The following CSMD1 variants were observed in gnomAD, a reference collection of about 807,000 sequenced individuals.
CSMD1 encodes CUB and Sushi multiple domains 1.
A neutral mutation model predicts 417.5 loss-of-function variants in CSMD1; 213 were observed. The ratio of observed to expected loss-of-function variants is 0.51; its 90% CI spans 0.46 to 0.57. The LOEUF (loss-of-function observed/expected upper bound fraction) is 0.57, where lower values mean the gene tolerates loss of function less well. CSMD1 is among the 20% of genes least tolerant of loss of function. CSMD1 has a pLI of 0.00. For missense variants in CSMD1, 6,923 were observed against 4,529.7 expected (o/e 1.53, Z -15.17); for synonymous variants, 2,862 against 1,736.8 (o/e 1.65, Z -16.11).
At chr8:4,451,871 C>A (rs907966813) in intron 2 of CSMD1, among the ~76,000 whole-genome samples, 1 of 151,594 alleles carries the variant, frequency 6.6e-6, no homozygotes, top group Non-Finnish European at 1.5e-5. Flanking sequence ...CCCTTTCAAA[C>A]CTCATGTGTT....
At chr8:3,607,507 C>T (rs1801676712) in intron 8 of CSMD1, among the ~76,000 whole-genome samples, 1 of 152,154 alleles carries the variant, frequency 6.6e-6, no homozygotes, top group African/African-American at 2.4e-5. Context: ...TGACTGGCAG[C>T]ACAGTACATC....
intron 7 of CSMD1, among the ~76,000 whole-genome samples, chr8:3,642,979 GAATT>G (rs1364675249): frequency 3.3e-5 from 5 of 151,636 alleles, no homozygotes; most frequent in Non-Finnish European, 7.4e-5. Flanking sequence ...TCAGGACACA[GAATT>G]AATAAATTAA....
At chr8:3,672,288 A>C (rs1458183560) in intron 7 of CSMD1, among the ~76,000 whole-genome samples, 2 of 152,160 alleles carry the variant, frequency 1.3e-5, no homozygotes, top group African/African-American at 4.8e-5. Context: ...ACCATAAATT[A>C]AGAAATAGTC....
intron 5 of CSMD1, among the ~76,000 whole-genome samples, chr8:3,770,214 G>C (rs755245547): frequency 1.3e-5 from 2 of 152,134 alleles, no homozygotes; most frequent in Non-Finnish European, 2.9e-5. Flanking sequence ...TCTACACATG[G>C]CTTCTTTCCT....
chr8:3,044,801 G>C (rs914620992), intron 50 of CSMD1, among the ~76,000 whole-genome samples: 18 of 152,146 alleles, frequency 1.2e-4, no homozygotes, highest in Admixed American at 3.3e-4. Context: ...CAAAGCTGAA[G>C]TATTTATCTC....
chr8:3,506,247 G>T (rs923106384), intron 10 of CSMD1, among the ~76,000 whole-genome samples: 1 of 152,182 alleles, frequency 6.6e-6, no homozygotes, highest in Non-Finnish European at 1.5e-5. Context: ...AGGTGAGCCA[G>T]GCTCTATGTC....
intron 12 of CSMD1, among the ~76,000 whole-genome samples, chr8:3,451,365 G>T (rs150075455): frequency 1.3e-5 from 2 of 152,132 alleles, no homozygotes; most frequent in East Asian, 3.9e-4. Context: ...ATTGCTTTTG[G>T]TGTTTTAGAC....
At chr8:3,132,822 G>C (rs1186218558) in intron 41 of CSMD1, among the ~76,000 whole-genome samples, 1 of 152,068 alleles carries the variant, frequency 6.6e-6, no homozygotes, top group African/African-American at 2.4e-5. Flanking sequence ...CTGGAGCTCA[G>C]GAGCTACACA....
At chr8:4,208,860 C>T (rs546262714) in intron 3 of CSMD1, among the ~76,000 whole-genome samples, 2 of 152,108 alleles carry the variant, frequency 1.3e-5, no homozygotes, top group Non-Finnish European at 2.9e-5. Context: ...CAATAAGTAT[C>T]CATTCAAAAT....
rs187023678 is a variant in CSMD1 at position 3,344,697 on chromosome 8, C to T, written c.3475-1247G>A. Among the ~76,000 whole-genome samples, 484 of 152,228 alleles carry T rather than the reference C, an allele frequency of 3.2e-3. 3 individuals are homozygous for T. Among genetic ancestry groups the T allele is most frequent in the Non-Finnish European group, 5.1e-3 (348 of 68,006 alleles). ...CTTCCAATGTGTTTGTCTATTTTCC[C>T]CACTTCTTTCCTCTTTATACAGATT... is the stretch of plus-strand genomic sequence containing the variant. On this transcript the variant is annotated intron_variant, in intron 22 of 69. Transcript: ENST00000635120.
intron 7 of CSMD1, among the ~76,000 whole-genome samples, chr8:3,697,602 C>A (rs80120674): frequency 1.4e-3 from 208 of 152,186 alleles, no homozygotes; most frequent in African/African-American, 5.0e-3. Flanking sequence ...TATAGCAGTT[C>A]CCCCTTCTGA....
At chr8:3,943,026 C>G (rs1810985017) in intron 5 of CSMD1, among the ~76,000 whole-genome samples, 1 of 152,020 alleles carries the variant, frequency 6.6e-6, no homozygotes, top group Non-Finnish European at 1.5e-5. Flanking sequence ...TATTTTGTTA[C>G]TCAGGAAAAT....
intron 1 of CSMD1, among the ~76,000 whole-genome samples, chr8:4,743,835 C>A (rs1242033929): frequency 6.6e-6 from 1 of 152,190 alleles, no homozygotes; most frequent in African/African-American, 2.4e-5. Flanking sequence ...CAAAAGCAAG[C>A]TTCTTGCGGT....
At chr8:4,946,892 AT>A (rs1418064790) in intron 1 of CSMD1, among the ~76,000 whole-genome samples, 2 of 143,406 alleles carry the variant, frequency 1.4e-5, no homozygotes, top group East Asian at 2.6e-4. Context: ...TAATCAGAAA[AT>A]ATATGTTTCT....
intron 1 of CSMD1, among the ~76,000 whole-genome samples, chr8:4,794,493 A>C (rs1797864771): frequency 6.6e-6 from 1 of 152,126 alleles, no homozygotes; most frequent in South Asian, 2.1e-4. Flanking sequence ...GCAGCAAGTC[A>C]CTGTGTTCTG....
chr8:3,022,288 T>C (rs540398022), intron 51 of CSMD1, among the ~76,000 whole-genome samples: 1 of 146,462 alleles, frequency 6.8e-6, no homozygotes, highest in East Asian at 2.1e-4. Context: ...GCATCCGGAA[T>C]GCACCCGCAA....
chr8:4,129,949 T>G (rs1450728195), intron 3 of CSMD1, among the ~76,000 whole-genome samples: 2 of 152,202 alleles, frequency 1.3e-5, no homozygotes, highest in Non-Finnish European at 2.9e-5. Flanking sequence ...TTCTTATATC[T>G]TGCAAATTTT....
chr8:4,139,908 C>G (rs1332655059), intron 3 of CSMD1, among the ~76,000 whole-genome samples: 3 of 150,876 alleles, frequency 2.0e-5, no homozygotes, highest in East Asian at 1.9e-4. Context: ...GGGAGGACAC[C>G]TCATCTTCAG....
At chr8:3,558,103 G>A (rs1239876841) in intron 10 of CSMD1, among the ~76,000 whole-genome samples, 145 of 150,396 alleles carry the variant, frequency 9.6e-4, no homozygotes, top group African/African-American at 3.3e-3. Context: ...CTCCTCCAAT[G>A]ATGAATGGTG....
Sources: allele counts gnomAD v4.1 joint callset (sites outside exome capture counted in the v4.1 genomes callset), GRCh38; gene constraint gnomAD v4.1.1; transcripts MANE v1.5; gene names NCBI Gene and HGNC (gene_info 2026-07-23, HGNC 2026-07-21).